The following RIMS2 variants were observed in gnomAD, a reference collection of about 807,000 sequenced individuals.
RIMS2 encodes regulating synaptic membrane exocytosis protein 2.
In RIMS2, 59 loss-of-function variants were observed where a neutral mutation model predicts 174.4. The observed-to-expected ratio is 0.34, with a 90% CI of 0.27 to 0.42. RIMS2 has a LOEUF of 0.42. Ranked by LOEUF, RIMS2 falls within the 10% of genes least tolerant of loss-of-function variation. The pLI, the probability that RIMS2 is intolerant of heterozygous loss-of-function variation, is 1.00. For synonymous variants in RIMS2, 606 were observed against 572.5 expected, an observed-to-expected ratio of 1.06 and a Z score of -0.84; for missense variants, 1,620 against 1,666.3, an observed-to-expected ratio of 0.97 and a Z score of 0.48.
intron 3 of RIMS2, among the ~76,000 whole-genome samples, chr8:103,797,997 T>C (rs904876930): frequency 6.6e-6 from 1 of 152,176 alleles, no homozygotes; most frequent in Admixed American, 6.6e-5. Flanking sequence ...TGATAGCTCA[T>C]ATACTGTGCT....
intron 2 of RIMS2, among the ~76,000 whole-genome samples, chr8:103,742,499 C>T (rs149771116): frequency 6.6e-6 from 1 of 152,232 alleles, no homozygotes; most frequent in African/African-American, 2.4e-5. Flanking sequence ...GGGTTTAATA[C>T]AATTGCACTG....
chr8:103,882,921 A>G (rs1222958525), intron 3 of RIMS2, among the ~76,000 whole-genome samples: 1 of 151,776 alleles, frequency 6.6e-6, no homozygotes, highest in East Asian at 1.9e-4. Flanking sequence ...TAGGAATGAA[A>G]TATTCCTTTT....
At chr8:104,083,185 C>G (rs889508943) in intron 19 of RIMS2, among the ~76,000 whole-genome samples, 4 of 152,136 alleles carry the variant, frequency 2.6e-5, no homozygotes, top group African/African-American at 9.7e-5. Flanking sequence ...TTCTCAGGCC[C>G]CTTCAGGTTT....
chr8:103,845,600 A>G (rs2098963739), intron 3 of RIMS2, among the ~76,000 whole-genome samples: 1 of 152,142 alleles, frequency 6.6e-6, no homozygotes, highest in South Asian at 2.1e-4. Context: ...ACTAGTACCC[A>G]AACCCAGGTG....
chr8:103,799,666 A>G (rs2098591500), intron 3 of RIMS2, among the ~76,000 whole-genome samples: 1 of 152,050 alleles, frequency 6.6e-6, no homozygotes, highest in Non-Finnish European at 1.5e-5. Context: ...ATGAGGGGGT[A>G]TTTTTGTTTT....
chr8:103,987,184 G>T (rs943511376), intron 16 of RIMS2, among the ~76,000 whole-genome samples: 15 of 151,040 alleles, frequency 9.9e-5, no homozygotes, highest in Non-Finnish European at 1.8e-4. Context: ...CAAGGACAAA[G>T]TCTCACTATG....
At chr8:103,641,972 C>G (rs2096241178) in intron 1 of RIMS2, among the ~76,000 whole-genome samples, 4 of 151,826 alleles carry the variant, frequency 2.6e-5, no homozygotes, top group Admixed American at 2.6e-4. Flanking sequence ...TGGACTAAGA[C>G]ATTGTGTCTT....
intron 1 of RIMS2, among the ~76,000 whole-genome samples, chr8:103,585,792 A>G (rs1245123374): frequency 2.6e-5 from 4 of 151,876 alleles, no homozygotes; most frequent in African/African-American, 7.3e-5. Flanking sequence ...GGGCTTAAAA[A>G]CTGGATGACA....
chr8:103,876,540 C>A (rs2099138004), intron 3 of RIMS2, among the ~76,000 whole-genome samples: 1 of 151,024 alleles, frequency 6.6e-6, no homozygotes, highest in Non-Finnish European at 1.5e-5. Context: ...TTTTGGTGCA[C>A]CCATCACCTG....
intron 3 of RIMS2, among the ~76,000 whole-genome samples, chr8:103,875,693 T>G (rs915865053): frequency 2.0e-5 from 3 of 152,092 alleles, no homozygotes; most frequent in Non-Finnish European, 2.9e-5. Flanking sequence ...TATACTGTTT[T>G]CCATAGAGGC....
chr8:103,747,085 T>TA (rs976989101), intron 2 of RIMS2, among the ~76,000 whole-genome samples: 21 of 151,760 alleles, frequency 1.4e-4, no homozygotes, highest in African/African-American at 2.7e-4. Context: ...CTTTTTTTTT[T>TA]AATTAATTAC....
At chr8:104,059,407 G>T (rs1429719890) in intron 19 of RIMS2, among the ~76,000 whole-genome samples, 1 of 151,242 alleles carries the variant, frequency 6.6e-6, no homozygotes. Context: ...TGTGATTTTT[G>T]TACATTGATT....
chr8:103,795,921 G>GT (rs1289462953), intron 3 of RIMS2, among the ~76,000 whole-genome samples: 1 of 152,120 alleles, frequency 6.6e-6, no homozygotes, highest in African/African-American at 2.4e-5. Context: ...CATTTAAAAT[G>GT]TAAGTATATA....
At chr8:103,823,691 A>G (rs2098767959) in intron 3 of RIMS2, among the ~76,000 whole-genome samples, 1 of 152,012 alleles carries the variant, frequency 6.6e-6, no homozygotes, top group African/African-American at 2.4e-5. Flanking sequence ...ATTTGTGTTC[A>G]GGAATTTTGG....
intron 3 of RIMS2, among the ~76,000 whole-genome samples, chr8:103,822,573 T>C (rs894567756): frequency 6.6e-6 from 1 of 151,882 alleles, no homozygotes; most frequent in Non-Finnish European, 1.5e-5. Flanking sequence ...ACAAACCTTA[T>C]TTTCATACTG....
chr8:103,636,654 C>T (rs1307460058), intron 1 of RIMS2, among the ~76,000 whole-genome samples: 2 of 152,080 alleles, frequency 1.3e-5, no homozygotes, highest in African/African-American at 4.8e-5. Flanking sequence ...AGTGCAAGTA[C>T]CTGGATGTTA....
intron 2 of RIMS2, among the ~76,000 whole-genome samples, chr8:103,712,246 G>C (rs976531996): frequency 6.7e-6 from 1 of 149,968 alleles, no homozygotes; most frequent in South Asian, 2.1e-4. Flanking sequence ...CCCTGGGCTC[G>C]AACAGTCCTC....
intron 3 of RIMS2, among the ~76,000 whole-genome samples, chr8:103,876,847 T>TAC (rs552930369): frequency 1.4e-4 from 17 of 125,848 alleles, no homozygotes; most frequent in African/African-American, 3.9e-4. Context: ...TGTGTATATA[T>TAC]ACACACACAC....
intron 1 of RIMS2, among the ~76,000 whole-genome samples, chr8:103,548,740 C>G (rs535047709): frequency 2.6e-5 from 4 of 152,006 alleles, no homozygotes; most frequent in Non-Finnish European, 5.9e-5. Context: ...TTTCTCTTTG[C>G]CAACAATATG....
Sources: gnomAD v4.1 joint callset for allele counts (sites outside exome capture counted in the v4.1 genomes callset) on GRCh38, gnomAD v4.1.1 for gene constraint, MANE v1.5 for transcripts, NCBI Gene and HGNC (gene_info 2026-07-23, HGNC 2026-07-21) for gene names.